ST3GAL1: variants seen among roughly 807,000 people sequenced by gnomAD.
The protein encoded by ST3GAL1 is ST3 beta-galactoside alpha-2,3-sialyltransferase 1.
ST3GAL1 carries 16 observed loss-of-function variants against 34.1 expected under a neutral mutation model. That is an observed-to-expected ratio of 0.47 (90% CI 0.32 to 0.71). The LOEUF (loss-of-function observed/expected upper bound fraction) is 0.71, where lower values mean the gene tolerates loss of function less well. Ranked by LOEUF, ST3GAL1 falls within the 30% of genes least tolerant of loss-of-function variation. The probability of loss-of-function intolerance (pLI) is 0.04; values close to 1 mark genes in which losing one functional copy is unlikely to be tolerated. For synonymous variants in ST3GAL1, 191 were observed against 184.7 expected (o/e 1.03, Z -0.28); for missense variants, 353 against 447.4 (o/e 0.79, Z 1.90).
chr8:133,524,460 C>A lies in ST3GAL1; in HGVS notation c.-429+21314G>T, dbSNP rs535818947. Among the ~76,000 whole-genome samples the A allele has an allele frequency of 2.2e-4, 33 of 152,350 alleles. 1 individual carries two copies. The East Asian group carries it at 2.5e-3, about 12-fold the overall frequency. On this transcript the variant is annotated intron_variant, in intron 2 of 9. Coordinates refer to ENST00000522652, the MANE Select transcript of ST3GAL1 (RefSeq NM_173344.3). ...TGGGTGTCACTTTGCCAGCCAGACA[C>A]CTCTGTGGCCAGCAGCGCCTTCTAC...
rs191024319 is a variant in ST3GAL1 at position 133,519,680 on chromosome 8, G to A, written c.-428-20491C>T. Among the ~76,000 whole-genome samples, 43 of 152,122 alleles carry A rather than the reference G, an allele frequency of 2.8e-4. No individual in the cohort carries two copies. The East Asian group carries it at 7.2e-3, about 25-fold the overall frequency. On this transcript the variant is annotated intron_variant, in intron 2 of 9. Transcript: ENST00000522652. The stretch of plus-strand genomic sequence containing the variant: ...AGTAAAGGAGGCCGGGCTCGGGAGC[G>A]CACGCCTGTAATCCCAGCACTTTGG...
intron 2 of ST3GAL1, among the ~76,000 whole-genome samples, chr8:133,517,409 G>C (rs1436389857): frequency 1.3e-5 from 2 of 152,154 alleles, no homozygotes; most frequent in African/African-American, 2.4e-5. Context: ...GAGTGCAGTG[G>C]TGCAATCTCA....
In ST3GAL1 at chr8:133,541,115, ATAT is replaced by A. The variant is rs1563734646; in HGVS notation, c.-429+4656_-429+4658del. On this transcript the variant is annotated intron_variant, in intron 2 of 9. Transcript: ENST00000522652. ...TATAAACATATATATATATATATATATATATAGAGAGAGAGAGAGAGAGAGAGA... is the reference window on the plus strand; with the variant it reads ...TATAAACATATATATATATATATATAATAGAGAGAGAGAGAGAGAGAGAGA... 1.1e-4 allele frequency among the ~76,000 whole-genome samples: 10 copies of A among 87,616 alleles called. 2 individuals carry two copies. Among genetic ancestry groups the A allele is most frequent in the African/African-American group, 5.8e-4 (10 of 17,262 alleles). The allele number at this position is 87,616 out of a possible 152,430, so 57.5% of individuals were successfully genotyped here. A position where few individuals can be genotyped will look rare whatever the true frequency, so the allele number is the denominator to read the frequency against.
At chr8:133,501,949 G>T (rs1447199144) in intron 2 of ST3GAL1, among the ~76,000 whole-genome samples, 3 of 152,102 alleles carry the variant, frequency 2.0e-5, no homozygotes, top group Non-Finnish European at 4.4e-5. Flanking sequence ...CTCCAAGCAG[G>T]TCAGCAACAC....
rs542318917 is a variant in ST3GAL1, at chr8:133,508,103, C to T, written c.-428-8914G>A. ...CCTCCTTTACCTTTTCCTTCAGTTT[C>T]CCCCACTGATGGTAAGTACTAGAGT... On this transcript the variant is annotated intron_variant, in intron 2 of 9. Coordinates refer to ENST00000522652, the MANE Select transcript of ST3GAL1 (RefSeq NM_173344.3). The surrounding 1 kb of genome is among the most constrained non-coding windows in gnomAD (Gnocchi z 4.1). Among the ~76,000 whole-genome samples, 1 of 152,284 alleles carries T rather than the reference C, an allele frequency of 6.6e-6. No individual in the cohort carries two copies.
At chr8:133,553,035 C>T (rs916430560) in intron 1 of ST3GAL1, among the ~76,000 whole-genome samples, 12 of 152,146 alleles carry the variant, frequency 7.9e-5, no homozygotes, top group African/African-American at 2.9e-4. Flanking sequence ...GGTCTGTCTT[C>T]AACACAATAT....
At chr8:133,534,333 T>A (rs1818243841) in intron 2 of ST3GAL1, among the ~76,000 whole-genome samples, 1 of 151,356 alleles carries the variant, frequency 6.6e-6, no homozygotes, top group African/African-American at 2.4e-5. Context: ...GCATTGGACA[T>A]ATATTATATA....
At chr8:133,462,956 A>G (rs1815565643) in intron 8 of ST3GAL1, among the ~76,000 whole-genome samples, 1 of 152,188 alleles carries the variant, frequency 6.6e-6, no homozygotes, top group African/African-American at 2.4e-5. Flanking sequence ...TGGGTACCTC[A>G]CTTCCCTCCT....
At chr8:133,482,431 CA>C (rs918666904) in intron 3 of ST3GAL1, among the ~76,000 whole-genome samples, 4 of 152,168 alleles carry the variant, frequency 2.6e-5, no homozygotes, top group African/African-American at 9.7e-5. Context: ...GGTGCCGAGG[CA>C]AACCTCCTCA....
chr8:133,523,504 C>A (rs1416360663), intron 2 of ST3GAL1, among the ~76,000 whole-genome samples: 2 of 152,174 alleles, frequency 1.3e-5, no homozygotes, highest in Admixed American at 1.3e-4. Context: ...CTTAAAGTGG[C>A]AGCTACTTCA....
intron 2 of ST3GAL1, among the ~76,000 whole-genome samples, chr8:133,537,950 G>A (rs1006760381): frequency 4.6e-5 from 7 of 152,158 alleles, no homozygotes; most frequent in African/African-American, 1.7e-4. Flanking sequence ...GCCAACAACT[G>A]AGAAGAGCTA....
chr8:133,564,199 G>T (rs1483134181), intron 1 of ST3GAL1, among the ~76,000 whole-genome samples: 1 of 152,136 alleles, frequency 6.6e-6, no homozygotes, highest in African/African-American at 2.4e-5. Flanking sequence ...GGATTAAATT[G>T]TCAACTGGTA....
rs1216030600 is a variant in ST3GAL1 at position 133,541,108 on chromosome 8, T to TAGAGAG, written c.-429+4665_-429+4666insCTCTCT. ...ATATATATATAAACATATATATATA[T>TAGAGAG]ATATATATATATAGAGAGAGAGAGA... On this transcript the variant is annotated intron_variant, in intron 2 of 9. Transcript: ENST00000522652. 4.8e-4 allele frequency among the ~76,000 whole-genome samples: 22 copies of TAGAGAG among 45,718 alleles called. 2 individuals carry two copies. The South Asian group carries it at 8.8e-3, about 18-fold the overall frequency. 30.0% of individuals were successfully genotyped at this position (45,718 alleles called of 152,430 possible).
intron 2 of ST3GAL1, among the ~76,000 whole-genome samples, chr8:133,542,129 A>G (rs1362249119): frequency 6.6e-6 from 1 of 152,196 alleles, no homozygotes; most frequent in Non-Finnish European, 1.5e-5. Context: ...ACACACAGAC[A>G]CACACATCCC....
At chr8:133,473,248 T>A (rs1211001485) in intron 5 of ST3GAL1, among the ~76,000 whole-genome samples, 1 of 152,236 alleles carries the variant, frequency 6.6e-6, no homozygotes, top group Non-Finnish European at 1.5e-5. Flanking sequence ...CGATACTGTC[T>A]TGGTGATACT....
intron 3 of ST3GAL1, among the ~76,000 whole-genome samples, chr8:133,489,222 C>T (rs1274383306): frequency 6.6e-6 from 1 of 152,192 alleles, no homozygotes; most frequent in Non-Finnish European, 1.5e-5. Context: ...AGCTCCCCTC[C>T]ACTGCCCACT....
chr8:133,540,724 T>C lies in ST3GAL1; in HGVS notation c.-429+5050A>G, dbSNP rs1814915. On this transcript the variant is annotated intron_variant, in intron 2 of 9. Transcript: ENST00000522652. The stretch of plus-strand genomic sequence containing the variant: ...ATATATATACAGACATATATATATA[T>C]AGACATATATATATATATAGACATA... Among the ~76,000 whole-genome samples the C allele has an allele frequency of 1.0e-2, 961 of 96,278 alleles. 16 individuals carry two copies. Among genetic ancestry groups the C allele is most frequent in the African/African-American group, 0.047 (759 of 16,242 alleles). 63.2% of individuals were successfully genotyped at this position (96,278 alleles called of 152,430 possible).
intron 5 of ST3GAL1, among the ~76,000 whole-genome samples, chr8:133,474,641 T>C (rs992924489): frequency 1.3e-5 from 2 of 152,108 alleles, no homozygotes; most frequent in Non-Finnish European, 2.9e-5. Flanking sequence ...AGAGCTCCTC[T>C]ACTCCCCATT....
At chr8:133,547,345 A>G (rs1367905165) in intron 1 of ST3GAL1, among the ~76,000 whole-genome samples, 1 of 151,576 alleles carries the variant, frequency 6.6e-6, no homozygotes, top group Non-Finnish European at 1.5e-5. Flanking sequence ...ACTACCACTC[A>G]CTGCAGCCTT....
Sources: gnomAD v4.1 joint callset for allele counts (sites outside exome capture counted in the v4.1 genomes callset) on GRCh38, gnomAD v4.1.1 for gene constraint, Gnocchi (gnomAD v3.1) non-coding constraint, MANE v1.5 for transcripts, NCBI Gene and HGNC (gene_info 2026-07-23, HGNC 2026-07-21) for gene names.